Variants in RIF1 observed in about 807,000 individuals in gnomAD.
RIF1 encodes replication timing regulatory factor 1.
A neutral mutation model predicts 247.1 loss-of-function variants in RIF1; 45 were observed. The ratio of observed to expected loss-of-function variants is 0.18; its 90% CI spans 0.14 to 0.23. The LOEUF is 0.23. Ranked by LOEUF, RIF1 falls within the 10% of genes least tolerant of loss-of-function variation. The pLI is 1.00. For missense variants in RIF1, 2,967 were observed against 2,862.5 expected (o/e 1.04, Z -0.83); for synonymous variants, 1,087 against 978.8 (o/e 1.11, Z -2.06).
chr2:151,446,538 C>T lies in RIF1; in HGVS notation c.2207C>T (p.Ser736Phe). 1 of 1,613,074 alleles carries T rather than the reference C, an allele frequency of 6.2e-7. No individual in the cohort carries two copies. Among genetic ancestry groups the T allele is most frequent in the Non-Finnish European group, 8.5e-7 (1 of 1,179,850 alleles). Residue 736 changes from serine (S) to phenylalanine (F), a missense_variant, in exon 20 of 36, where the codon TCC becomes TTC. By Grantham distance (155) the Ser-to-Phe change is radical (BLOSUM62 -2). This residue lies in a region of RIF1 where 76 missense variants were observed against 113.3 expected (regional missense o/e 0.67). Transcript: ENST00000444746. ...AACTTGTGCTGTGAGGAACTTTCTT[C>T]CAAGATAATGTCCAGTTTGGAAGAT... ...EENLCCEELS[S>F]KIMSSLEDEG...
intron 6 of RIF1, among the ~76,000 whole-genome samples, chr2:151,419,797 C>G (rs1687866976): frequency 6.6e-6 from 1 of 152,176 alleles, no homozygotes; most frequent in Non-Finnish European, 1.5e-5. Flanking sequence ...GTGATAGGAA[C>G]TTGTCAGGTC....
At position 151,463,849 on chromosome 2, in the gene RIF1, A is replaced by T; in HGVS notation, c.4329A>T (p.Arg1443=). 6.2e-7 allele frequency: 1 copy of T among 1,612,628 alleles called. No individual in the cohort carries two copies. The highest frequency in any genetic ancestry group is 8.5e-7 in the Non-Finnish European group (1 of 1,179,698). Reference sequence around the variant, plus strand: ...AAAATAGTCATCAAAAAAAGGAACGACGTAAGGAAGAAGAAAAACCTCTTC... The same window carrying T: ...AAAATAGTCATCAAAAAAAGGAACGTCGTAAGGAAGAAGAAAAACCTCTTC... ...DKENSHQKKE[R]RKEEEKPLQK... Residue 1443 remains arginine (R), a synonymous_variant, in exon 30 of 36, where the codon CGA becomes CGT. Coordinates refer to ENST00000444746, the MANE Select transcript of RIF1 (RefSeq NM_018151.5).
At chr2:151,432,974 A>T (rs1251780643) in intron 9 of RIF1, 103 bp from the exon 10 acceptor site, 1 of 888,178 alleles carries the variant, frequency 1.1e-6, no homozygotes, top group African/African-American at 1.7e-5. Context: ...AAAAAATTTT[A>T]AAATACGTTC....
rs1686937129 is a variant in RIF1 at position 151,414,990 on chromosome 2, GCTGTTAAAAGTA to G, written c.280+78_280+89del. The G allele has an allele frequency of 6.5e-6, 6 of 930,064 alleles. 1 individual carries two copies. The South Asian group carries it at 9.0e-5, about 14-fold the overall frequency. The allele number at this position is 930,064 out of a possible 1,614,324, so 57.6% of individuals were successfully genotyped here. On this transcript the variant is annotated intron_variant, in intron 4 of 35. Transcript: ENST00000444746. ...AAGTTTTAAGTATAAGTAGTTTGAT[GCTGTTAAAAGTA>G]CTGTTATGTCTGGATTAGTTTCAGA...
chr2:151,429,050 A>G, intron 9 of RIF1, 128 bp downstream of exon 9: 1 of 616,550 alleles, frequency 1.6e-6, no homozygotes, highest in East Asian at 2.8e-5. Flanking sequence ...TTTCATTTTA[A>G]GGGAACAGGA....
chr2:151,420,120 C>G, intron 6 of RIF1, 70 bp from the exon 7 acceptor site: 1 of 1,339,052 alleles, frequency 7.5e-7, no homozygotes, highest in Non-Finnish European at 1.0e-6. Context: ...TTCTGTTTCA[C>G]CTATTTTACT....
chr2:151,501,103 A>C (rs1214121904), intron 11 of RIF1, among the ~76,000 whole-genome samples: 1 of 152,110 alleles, frequency 6.6e-6, no homozygotes, highest in Non-Finnish European at 1.5e-5. Flanking sequence ...TAAGAGCTTT[A>C]GTGTTTGGTT....
chr2:151,411,383 G>C, intron 3 of RIF1, 45 bp downstream of exon 3: 1 of 1,052,068 alleles, frequency 9.5e-7, no homozygotes, highest in South Asian at 1.6e-5. Flanking sequence ...TGGTAGTTTG[G>C]TTTTTTTTTT....
intron 21 of RIF1, among the ~76,000 whole-genome samples, chr2:151,452,260 A>G (rs1024462899): frequency 6.6e-6 from 1 of 152,352 alleles, no homozygotes; most frequent in East Asian, 1.9e-4. Flanking sequence ...TTTTAAAACC[A>G]TATGCCTTGG....
intron 11 of RIF1, chr2:151,499,646 G>A: frequency 3.3e-6 from 1 of 305,660 alleles, no homozygotes; most frequent in South Asian, 4.0e-5. Flanking sequence ...AGGAATTAAG[G>A]AAAAAAATAC....
chr2:151,531,641 G>A, the RIF1 span: 1 of 655,994 alleles, frequency 1.5e-6, no homozygotes. Context: ...TTGGGGAGGA[G>A]AATCCTGTGC....
At chr2:151,494,658 G>GTT in intron 9 of RIF1, among the ~76,000 whole-genome samples, 1 of 151,700 alleles carries the variant, frequency 6.6e-6, no homozygotes, top group East Asian at 1.9e-4. Context: ...GTTTTGTTTT[G>GTT]TTTTTGAGAC....
intron 3 of RIF1, among the ~76,000 whole-genome samples, chr2:151,412,672 G>A (rs772383362): frequency 2.0e-5 from 3 of 152,010 alleles, no homozygotes; most frequent in South Asian, 2.1e-4. Context: ...TAGTAGAGAC[G>A]GGCTTTCACC....
In RIF1 at chr2:151,464,805, CA is replaced by C; in HGVS notation, c.5291del (p.Lys1764ArgfsTer8). 6.2e-7 allele frequency: 1 copy of C among 1,613,236 alleles called. No homozygotes were observed. The highest frequency in any genetic ancestry group is 8.5e-7 in the Non-Finnish European group (1 of 1,179,754). ...TENNDVEISE[T>X]KKADVQAPVS... ...AATAATGACGTAGAGATTAGTGAAA[CA>C]AAAAAGGCAGATGTGCAAGCACCTG... On this transcript the variant is annotated frameshift_variant, in exon 30 of 36. Transcript: ENST00000444746. LOFTEE classifies it high-confidence loss of function.
At chr2:151,494,338 A>ATTATC (rs777147244) in intron 9 of RIF1, 4 of 941,664 alleles carry the variant, frequency 4.2e-6, no homozygotes, top group Non-Finnish European at 4.9e-6. Context: ...ATAACTTTTG[A>ATTATC]TTATCTTTAG....
intron 9 of RIF1, chr2:151,494,308 CAA>C: frequency 1.7e-6 from 2 of 1,209,138 alleles, no homozygotes; most frequent in African/African-American, 3.1e-5. Context: ...TAACAGTTAC[CAA>C]AAAAGGAAAT....
Position 151,410,545 on chromosome 2 carries a change from G to C in RIF1, c.104+18G>C, listed in dbSNP as rs766168956. The C allele has an allele frequency of 6.3e-7, 1 of 1,599,000 alleles. No individual in the cohort carries two copies. Among genetic ancestry groups the C allele is most frequent in the Non-Finnish European group, 8.6e-7 (1 of 1,166,916 alleles). On this transcript the variant is annotated intron_variant, in intron 2 of 35. Transcript: ENST00000444746. ...CTGACCAGGTGAGGTCCGCCACGGGGCGTAGCGGAGAGTGGGGCGCTCTAT... is the reference window on the plus strand; with the variant it reads ...CTGACCAGGTGAGGTCCGCCACGGGCCGTAGCGGAGAGTGGGGCGCTCTAT...
chr2:151,468,811 G>A (rs1697357031), intron 33 of RIF1, 55 bp downstream of exon 33: 1 of 1,181,102 alleles, frequency 8.5e-7, no homozygotes, highest in Non-Finnish European at 1.3e-6. Flanking sequence ...TTATTTAAGA[G>A]GACTTATCTG....
At chr2:151,511,533 T>C (rs2074323450), downstream of RIF1, among the ~76,000 whole-genome samples, 1 of 152,212 alleles carries the variant, frequency 6.6e-6, no homozygotes, top group Admixed American at 6.5e-5. Context: ...ATTCCAGAGT[T>C]GGACCAGCGA....
Sources: allele counts gnomAD v4.1 joint callset (sites outside exome capture counted in the v4.1 genomes callset), GRCh38; gene constraint gnomAD v4.1.1; regional missense constraint gnomAD v4.1.1; transcripts MANE v1.5; gene names NCBI Gene and HGNC (gene_info 2026-07-23, HGNC 2026-07-21).